The following ERC1 variants were observed in gnomAD, a reference collection of about 807,000 sequenced individuals.
The protein encoded by ERC1 is RAB6 interacting protein 2.
ERC1 carries 56 observed loss-of-function variants against 132.0 expected under a neutral mutation model. The observed-to-expected ratio is 0.42, with a 90% confidence interval of 0.34 to 0.53. ERC1 has a LOEUF of 0.53. Among genes scored for constraint, ERC1 ranks in the 20% least tolerant of loss-of-function variants. ERC1 has a pLI of 0.03. For synonymous variants in ERC1, 478 were observed against 476.1 expected (o/e 1.00, Z -0.05); for missense variants, 1,202 against 1,349.9 (o/e 0.89, Z 1.72).
chr12:1,057,671 C>T lies in ERC1; in HGVS notation c.670-25493C>T, dbSNP rs1973246013. Among the ~76,000 whole-genome samples, 4 of 138,272 alleles carry T rather than the reference C, an allele frequency of 2.9e-5. No homozygotes were observed. In the South Asian group the frequency reaches 9.8e-4, roughly 34 times the overall value. The allele number at this position is 138,272 out of a possible 152,430, so 90.7% of individuals were successfully genotyped here. Reference sequence around the variant, plus strand: ...AGTGCAGTGGCTTGATTTCGGCTCACTGCAACCTCTGCTTCCCGGGTTCAA... The same window carrying T: ...AGTGCAGTGGCTTGATTTCGGCTCATTGCAACCTCTGCTTCCCGGGTTCAA... On this transcript the variant is annotated intron_variant, in intron 2 of 18. Coordinates refer to ENST00000360905, the MANE Select transcript of ERC1 (RefSeq NM_178040.4).
In ERC1 at chr12:1,300,428, C is replaced by T. The variant is rs190363236; in HGVS notation, c.2780+10416C>T. Among the ~76,000 whole-genome samples, 267 of 151,354 alleles carry T rather than the reference C, an allele frequency of 1.8e-3. 1 individual carries two copies. Among genetic ancestry groups the T allele is most frequent in the Admixed American group, 4.7e-3 (71 of 15,128 alleles). On this transcript the variant is annotated intron_variant, in intron 15 of 18. Transcript: ENST00000360905. Reference sequence around the variant, plus strand: ...GATTTCATGACAAAGACGCCAAAAGCTGTTGCAACAAAAACAAACAATGAC... The same window carrying T: ...GATTTCATGACAAAGACGCCAAAAGTTGTTGCAACAAAAACAAACAATGAC...
chr12:990,952 A>AGTGTGTGTGTGTGTGAGT (rs138094397), upstream of ERC1: 1 of 150,032 alleles, frequency 6.7e-6, no homozygotes, highest in African/African-American at 2.5e-5. Flanking sequence ...TGTGTGTGTG[A>AGTGTGTGTGTGTGTGAGT]GTGTGTGTGT....
At position 1,418,599 on chromosome 12, in the gene ERC1, CTTTCTT is replaced by C. The variant is rs754696714; in HGVS notation, c.3024+10354_3024+10359del. On this transcript the variant is annotated intron_variant, in intron 17 of 18. Transcript: ENST00000360905. ...TTTCTTTCTTTCTTTCTCTTTCTTT[CTTTCTT>C]TCTTTCTTTCTTTCTTTCTTTCTTT... Among the ~76,000 whole-genome samples, 88 of 39,672 alleles carry C rather than the reference CTTTCTT, an allele frequency of 2.2e-3. 2 individuals are homozygous for C. Among genetic ancestry groups the C allele is most frequent in the South Asian group, 3.6e-3 (3 of 834 alleles). The allele number at this position is 39,672 out of a possible 152,430, so 26.0% of individuals were successfully genotyped here.
chr12:1,459,501 TG>T (rs1022796319), intron 18 of ERC1, among the ~76,000 whole-genome samples: 2 of 152,110 alleles, frequency 1.3e-5, no homozygotes, highest in African/African-American at 2.4e-5. Flanking sequence ...AACAAGTAAA[TG>T]GGGGAGAAAG....
chr12:1,160,472 C>T (rs565539269), intron 8 of ERC1, among the ~76,000 whole-genome samples: 25 of 152,272 alleles, frequency 1.6e-4, no homozygotes, highest in African/African-American at 6.0e-4. Context: ...TGGTGGCTTA[C>T]ACCTGTAATC....
intron 6 of ERC1, among the ~76,000 whole-genome samples, chr12:1,114,004 C>T (rs1273113189): frequency 6.6e-6 from 1 of 152,034 alleles, no homozygotes; most frequent in Non-Finnish European, 1.5e-5. Flanking sequence ...CTTCTAAACT[C>T]TGCTTTTCTT....
intron 16 of ERC1, among the ~76,000 whole-genome samples, chr12:1,402,615 A>ACACACACACACACACACAC (rs1555393219): frequency 1.4e-5 from 1 of 72,106 alleles, no homozygotes; most frequent in African/African-American, 1.1e-4. Context: ...GTAACCCCCA[A>ACACACACACACACACACAC]CACACACACA....
chr12:1,420,534 C>T (rs1436214259), intron 17 of ERC1, among the ~76,000 whole-genome samples: 2 of 152,312 alleles, frequency 1.3e-5, no homozygotes, highest in South Asian at 2.1e-4. Context: ...CGGCTCGCTA[C>T]AAGCTCTGCC....
intron 15 of ERC1, among the ~76,000 whole-genome samples, chr12:1,331,142 GC>G (rs1221839166): frequency 6.6e-6 from 1 of 152,144 alleles, no homozygotes; most frequent in Non-Finnish European, 1.5e-5. Flanking sequence ...TACTCCAGAA[GC>G]CCTCTTTGTG....
At chr12:1,172,736 A>G (rs1020361421) in intron 8 of ERC1, among the ~76,000 whole-genome samples, 2 of 151,052 alleles carry the variant, frequency 1.3e-5, no homozygotes, top group African/African-American at 4.9e-5. Context: ...TATAAAATGT[A>G]TCCTTTTCTG....
intron 17 of ERC1, among the ~76,000 whole-genome samples, chr12:1,441,128 G>C (rs1334253200): frequency 2.0e-5 from 3 of 150,888 alleles, no homozygotes; most frequent in African/African-American, 7.3e-5. Flanking sequence ...GTGCGATCTC[G>C]GCTCACTGCA....
intron 17 of ERC1, among the ~76,000 whole-genome samples, chr12:1,424,854 A>ATAGCTAGCTAGCTAGC (rs1565411365): frequency 8.0e-6 from 1 of 125,150 alleles, no homozygotes; most frequent in African/African-American, 3.7e-5. Context: ...TGATAGATAG[A>ATAGCTAGCTAGCTAGC]TAGATAGATC....
chr12:1,326,896 T>G (rs949840699), intron 15 of ERC1, among the ~76,000 whole-genome samples: 1 of 152,150 alleles, frequency 6.6e-6, no homozygotes, highest in Non-Finnish European at 1.5e-5. Context: ...GTGGGTTTTT[T>G]TTTTAATAAT....
At chr12:1,368,852 A>G (rs2086903773) in intron 15 of ERC1, among the ~76,000 whole-genome samples, 1 of 152,214 alleles carries the variant, frequency 6.6e-6, no homozygotes, top group South Asian at 2.1e-4. Flanking sequence ...TATGTGCAAT[A>G]TATAATCAAA....
chr12:1,017,015 G>T (rs756627277), intron 1 of ERC1, among the ~76,000 whole-genome samples: 1 of 151,228 alleles, frequency 6.6e-6, no homozygotes, highest in Non-Finnish European at 1.5e-5. Context: ...TTATTTTTTT[G>T]AGATGGAATC....
At chr12:1,214,211 A>G (rs534495494) in intron 12 of ERC1, among the ~76,000 whole-genome samples, 31 of 152,284 alleles carry the variant, frequency 2.0e-4, no homozygotes, top group Non-Finnish European at 3.8e-4. Flanking sequence ...TATAATTTCT[A>G]TAGTAGAGAG....
intron 14 of ERC1, among the ~76,000 whole-genome samples, chr12:1,267,555 T>C (rs905531595): frequency 2.0e-4 from 31 of 152,186 alleles, no homozygotes; most frequent in African/African-American, 7.2e-4. Flanking sequence ...AGCCAAGAGT[T>C]AGAGACCAAC....
intron 5 of ERC1, among the ~76,000 whole-genome samples, chr12:1,111,680 G>T (rs535084817): frequency 6.6e-6 from 1 of 150,536 alleles, no homozygotes; most frequent in South Asian, 2.1e-4. Flanking sequence ...GTGCAGTGGC[G>T]TGATCTCGGT....
chr12:1,169,596 C>G (rs1203090136), intron 8 of ERC1, among the ~76,000 whole-genome samples: 1 of 152,184 alleles, frequency 6.6e-6, no homozygotes, highest in African/African-American at 2.4e-5. Context: ...CCGGGAAACC[C>G]AGTCTTGGGT....
Sources: gnomAD v4.1 joint callset for allele counts (sites outside exome capture counted in the v4.1 genomes callset) on GRCh38, gnomAD v4.1.1 for gene constraint, MANE v1.5 for transcripts, NCBI Gene and HGNC (gene_info 2026-07-23, HGNC 2026-07-21) for gene names.